The following PAPPA2 variants were observed in gnomAD, a reference collection of about 807,000 sequenced individuals.
PAPPA2 encodes the protein pappalysin 2, also known as pappalysin-2.
Under a neutral mutation model 176.4 loss-of-function variants are expected in PAPPA2, and 86 were observed. That is an observed-to-expected ratio of 0.49 (90% CI 0.41 to 0.58). The LOEUF is 0.58. PAPPA2 is among the 20% of genes least tolerant of loss of function. PAPPA2 has a pLI of 0.00. For synonymous variants in PAPPA2, 809 were observed against 852.2 expected, an observed-to-expected ratio of 0.95 and a Z score of 0.88; for missense variants, 2,073 against 2,256.9, an observed-to-expected ratio of 0.92 and a Z score of 1.65.
At chr1:176,801,103 A>ATG (rs1553206612) in intron 21 of PAPPA2, among the ~76,000 whole-genome samples, 2 of 124,328 alleles carry the variant, frequency 1.6e-5, no homozygotes, top group African/African-American at 3.6e-5. Flanking sequence ...ACACACACAC[A>ATG]CGCACACACA....
chr1:176,572,396 G>A (rs1652400689), intron 2 of PAPPA2, among the ~76,000 whole-genome samples: 1 of 152,122 alleles, frequency 6.6e-6, no homozygotes, highest in South Asian at 2.1e-4. Flanking sequence ...TGAACACTGG[G>A]CTCTGAAGAC....
chr1:176,586,168 G>A (rs556333870), intron 2 of PAPPA2, among the ~76,000 whole-genome samples: 265 of 152,126 alleles, frequency 1.7e-3, no homozygotes, highest in African/African-American at 6.1e-3. Context: ...TATAGAAAAA[G>A]GCTTATTTCT....
intron 14 of PAPPA2, among the ~76,000 whole-genome samples, chr1:176,753,386 T>C (rs1028901344): frequency 3.3e-5 from 5 of 152,140 alleles, no homozygotes; most frequent in East Asian, 1.9e-4. Flanking sequence ...CGGATTCCTA[T>C]TGTGCTTCAA....
chr1:176,657,268 G>A (rs776951997), intron 3 of PAPPA2, among the ~76,000 whole-genome samples: 3 of 151,982 alleles, frequency 2.0e-5, no homozygotes, highest in Non-Finnish European at 4.4e-5. Flanking sequence ...AGGGAAGGCA[G>A]ATGCTATTGG....
At chr1:176,753,554 CTTT>C (rs77817405) in intron 14 of PAPPA2, among the ~76,000 whole-genome samples, 38 of 73,512 alleles carry the variant, frequency 5.2e-4, no homozygotes, top group African/African-American at 1.7e-3. Context: ...AAGGCTCCTC[CTTT>C]TTTTTTTTTT....
intron 1 of PAPPA2, among the ~76,000 whole-genome samples, chr1:176,471,110 G>A (rs1651852375): frequency 6.6e-6 from 1 of 152,104 alleles, no homozygotes; most frequent in South Asian, 2.1e-4. Context: ...GGAAGTGTTT[G>A]TTACTTGGTA....
intron 17 of PAPPA2, among the ~76,000 whole-genome samples, chr1:176,784,915 A>G (rs1437515827): frequency 2.6e-5 from 4 of 152,114 alleles, no homozygotes; most frequent in Admixed American, 1.3e-4. Flanking sequence ...GTGTCCTCAC[A>G]TGGCAGAGCA....
intron 1 of PAPPA2, among the ~76,000 whole-genome samples, chr1:176,548,163 G>C (rs975988602): frequency 1.3e-5 from 2 of 152,146 alleles, no homozygotes; most frequent in African/African-American, 2.4e-5. Flanking sequence ...TAAAAAGTCA[G>C]TATCAGTTAA....
In PAPPA2 at chr1:176,593,354, A is replaced by G. The variant is rs893207593; in HGVS notation, c.920-1170A>G. Among the ~76,000 whole-genome samples the G allele has an allele frequency of 3.3e-5, 5 of 152,066 alleles. No individual in the cohort carries two copies. The East Asian group carries it at 7.7e-4, about 24-fold the overall frequency. The stretch of plus-strand genomic sequence containing the variant: ...TTATTTAACAAGCTTGGGGAGAATG[A>G]CTCTTGATGTTTACCCAGGTATCTG... On this transcript the variant is annotated intron_variant, in intron 2 of 22. Coordinates refer to ENST00000367662, the MANE Select transcript of PAPPA2 (RefSeq NM_020318.3).
chr1:176,655,960 A>G (rs1156686741), intron 3 of PAPPA2, among the ~76,000 whole-genome samples: 2 of 151,800 alleles, frequency 1.3e-5, no homozygotes, highest in Non-Finnish European at 2.9e-5. Context: ...CCCTTCCATC[A>G]CTGTCCCGTG....
chr1:176,771,149 G>A lies in PAPPA2; in HGVS notation c.4684G>A (p.Val1562Met). 6.2e-7 allele frequency: 1 copy of A among 1,614,160 alleles called. No homozygotes were observed. ...ATATGAATGCAAACCAGGGTACTAT[G>A]TGGCAGAAAGTGCAGAGGGTAAAGT... The part of the protein sequence containing the change: ...CKYECKPGYY[V>M]AESAEGKVRN... Residue 1562 changes from valine (V) to methionine (M), a missense_variant, in exon 17 of 23, where the codon GTG becomes ATG. Physicochemically the swap from Val to Met is conservative, Grantham distance 21. Coordinates refer to ENST00000367662, the MANE Select transcript of PAPPA2 (RefSeq NM_020318.3).
chr1:176,726,578 G>T (rs1022027482), intron 12 of PAPPA2, among the ~76,000 whole-genome samples: 1 of 152,222 alleles, frequency 6.6e-6, no homozygotes, highest in Non-Finnish European at 1.5e-5. Context: ...ACTGAAAAGA[G>T]AATGGCCACT....
chr1:176,541,870 C>T (rs1208813706), intron 1 of PAPPA2, among the ~76,000 whole-genome samples: 2 of 152,222 alleles, frequency 1.3e-5, no homozygotes, highest in African/African-American at 2.4e-5. Context: ...TCAGACCACA[C>T]ACCAGAATCA....
intron 1 of PAPPA2, among the ~76,000 whole-genome samples, chr1:176,545,174 A>G (rs181061229): frequency 1.3e-5 from 2 of 152,194 alleles, no homozygotes; most frequent in East Asian, 3.9e-4. Flanking sequence ...GGTTTCCCTT[A>G]TAATCAGTCC....
chr1:176,620,848 T>A (rs1655553503), intron 3 of PAPPA2, among the ~76,000 whole-genome samples: 1 of 152,208 alleles, frequency 6.6e-6, no homozygotes, highest in Non-Finnish European at 1.5e-5. Flanking sequence ...TTATGTATGT[T>A]GTCTCAAGAT....
chr1:176,489,843 C>G (rs10913185), intron 1 of PAPPA2, among the ~76,000 whole-genome samples: 12,266 of 152,244 alleles, frequency 0.081, 616 homozygotes, highest in South Asian at 0.16. Context: ...GTCTGCCCAT[C>G]ATTAATTCCT....
intron 3 of PAPPA2, among the ~76,000 whole-genome samples, chr1:176,638,663 A>T (rs528362315): frequency 6.6e-6 from 1 of 151,932 alleles, no homozygotes; most frequent in African/African-American, 2.4e-5. Context: ...GAGGGCTGAG[A>T]ATTTCTAGCC....
chr1:176,689,432 A>G (rs1320183695), intron 4 of PAPPA2, among the ~76,000 whole-genome samples: 1 of 152,216 alleles, frequency 6.6e-6, no homozygotes, highest in Non-Finnish European at 1.5e-5. Flanking sequence ...TGATTGTGAC[A>G]TTCTCAATTT....
intron 12 of PAPPA2, among the ~76,000 whole-genome samples, chr1:176,725,995 T>G (rs919858478): frequency 6.6e-6 from 1 of 152,214 alleles, no homozygotes; most frequent in Non-Finnish European, 1.5e-5. Flanking sequence ...TTAGCCAGGA[T>G]GGTCTCGATT....
Sources: allele counts gnomAD v4.1 joint callset (sites outside exome capture counted in the v4.1 genomes callset), GRCh38; gene constraint gnomAD v4.1.1; transcripts MANE v1.5; gene names NCBI Gene and HGNC (gene_info 2026-07-23, HGNC 2026-07-21).